Variants in ACSS3 observed in about 807,000 individuals in gnomAD.
ACSS3 encodes acyl-CoA synthetase short chain family member 3.
Under a neutral mutation model 84.2 loss-of-function variants are expected in ACSS3, and 64 were observed. The ratio of observed to expected loss-of-function variants is 0.76; its 90% CI spans 0.62 to 0.94. The LOEUF is 0.94. Among genes scored for constraint, ACSS3 ranks in the 40% least tolerant of loss-of-function variants. ACSS3 has a pLI of 0.00. For synonymous variants in ACSS3, 317 were observed against 310.1 expected (o/e 1.02, Z -0.23); for missense variants, 815 against 867.6 (o/e 0.94, Z 0.76).
intron 1 of ACSS3, among the ~76,000 whole-genome samples, chr12:81,083,448 C>G (rs894803283): frequency 1.3e-5 from 2 of 149,886 alleles, no homozygotes; most frequent in Admixed American, 6.8e-5. Flanking sequence ...ACCTCCATCT[C>G]CCCGCTTCAA....
chr12:81,082,808 A>G (rs528959890), intron 1 of ACSS3, among the ~76,000 whole-genome samples: 2 of 152,288 alleles, frequency 1.3e-5, no homozygotes, highest in African/African-American at 2.4e-5. Context: ...GAAAGCTTCA[A>G]TACCTTTATT....
Position 81,254,883 on chromosome 12 carries a change from C to A in ACSS3, c.2022C>A (p.Ser674Arg), listed in dbSNP as rs1383205859. The change falls in exon 16 of 16, where the codon AGC becomes AGA. Residue 674 changes from serine (S) to arginine (R), a missense_variant. Ser to Arg is a moderately radical substitution (Grantham distance 110). Transcript: ENST00000548058. ...YKITSTIEDP[S>R]IFGHVEEMLK... ...TAACTTCTACAATTGAAGACCCCAG[C>A]ATTTTTGGCCACGTAGAAGAAATGC... The A allele has an allele frequency of 6.2e-7, 1 of 1,609,070 alleles. No individual in the cohort carries two copies. The highest frequency in any genetic ancestry group is 1.7e-5 in the Admixed American group (1 of 59,482).
At chr12:81,100,925 T>A (rs1882461192) in intron 1 of ACSS3, among the ~76,000 whole-genome samples, 1 of 152,154 alleles carries the variant, frequency 6.6e-6, no homozygotes, top group Non-Finnish European at 1.5e-5. Flanking sequence ...TCATTTCAAG[T>A]GGGTATGAAA....
intron 2 of ACSS3, among the ~76,000 whole-genome samples, chr12:81,110,951 T>C (rs929566611): frequency 3.3e-5 from 5 of 152,184 alleles, no homozygotes; most frequent in South Asian, 2.1e-4. Flanking sequence ...CATATTCTTT[T>C]TCATCAGCAA....
intron 11 of ACSS3, 27 bp downstream of exon 11, chr12:81,220,103 A>G (rs1251642580): frequency 1.4e-6 from 2 of 1,445,560 alleles, no homozygotes; most frequent in Admixed American, 2.2e-5. Flanking sequence ...ATACTACTAT[A>G]TTAAAGGGCA....
At chr12:81,164,128 G>A (rs1242483720) in intron 7 of ACSS3, among the ~76,000 whole-genome samples, 1 of 152,122 alleles carries the variant, frequency 6.6e-6, no homozygotes, top group Admixed American at 6.5e-5. Context: ...TCTAGTAAGT[G>A]CCCTATGTAG....
At chr12:81,100,800 G>T (rs555552920) in intron 1 of ACSS3, among the ~76,000 whole-genome samples, 4 of 152,296 alleles carry the variant, frequency 2.6e-5, no homozygotes, top group Admixed American at 2.0e-4. Flanking sequence ...GGCTTTTGTG[G>T]CAGGGAGGCA....
chr12:81,106,531 C>A (rs1385081890), intron 1 of ACSS3, among the ~76,000 whole-genome samples: 3 of 152,138 alleles, frequency 2.0e-5, no homozygotes, highest in Non-Finnish European at 4.4e-5. Flanking sequence ...CCATACCCTT[C>A]CCCCACCCCA....
intron 8 of ACSS3, among the ~76,000 whole-genome samples, chr12:81,189,401 G>T (rs1047917200): frequency 1.3e-5 from 2 of 152,060 alleles, no homozygotes; most frequent in African/African-American, 4.8e-5. Context: ...CATTCTGATT[G>T]TCATGTAGTG....
intron 1 of ACSS3, among the ~76,000 whole-genome samples, chr12:81,091,967 A>G (rs567181644): frequency 1.2e-4 from 18 of 152,246 alleles, no homozygotes; most frequent in Admixed American, 6.5e-4. Flanking sequence ...ATGAAAAAAC[A>G]GACTTACTAT....
Position 81,256,204 on chromosome 12 carries a change from G to C in ACSS3, c.*1282G>C, listed in dbSNP as rs2034290311. 1 of 152,078 alleles carries C rather than the reference G, an allele frequency of 6.6e-6. No individual in the cohort carries two copies. The highest frequency in any genetic ancestry group is 2.4e-5 in the African/African-American group (1 of 41,422). The allele number at this position is 152,078 out of a possible 1,614,324, so 9.4% of individuals were successfully genotyped here. ...CAGCAGAATATGGCCCAAAAAGGAG[G>C]CAGGTCTCCTGTTGCAAGAGCCTCT... On this transcript the variant is annotated 3_prime_UTR_variant, in exon 16 of 16. Coordinates refer to ENST00000548058, the MANE Select transcript of ACSS3 (RefSeq NM_024560.4).
intron 8 of ACSS3, among the ~76,000 whole-genome samples, chr12:81,180,174 A>T (rs2030828381): frequency 6.6e-6 from 1 of 152,238 alleles, no homozygotes; most frequent in South Asian, 2.1e-4. Context: ...GTGTGAGCTA[A>T]ACATTGAGTA....
At chr12:81,236,573 T>G (rs2033638011) in intron 13 of ACSS3, among the ~76,000 whole-genome samples, 1 of 151,486 alleles carries the variant, frequency 6.6e-6, no homozygotes, top group African/African-American at 2.4e-5. Flanking sequence ...TTTGTTTTTA[T>G]GTTTATCCAA....
intron 2 of ACSS3, among the ~76,000 whole-genome samples, chr12:81,128,185 T>C (rs1055635435): frequency 6.6e-6 from 1 of 152,122 alleles, no homozygotes; most frequent in Admixed American, 6.6e-5. Flanking sequence ...ATGTGATTTT[T>C]TTTTTCCAGA....
chr12:81,197,409 G>T (rs995717057), intron 8 of ACSS3, among the ~76,000 whole-genome samples: 1 of 152,088 alleles, frequency 6.6e-6, no homozygotes, highest in Non-Finnish European at 1.5e-5. Context: ...AATTGGTAAC[G>T]TGAGAACTTG....
chr12:81,151,992 A>T lies in ACSS3; in HGVS notation c.1003-9A>T. 1 of 1,612,896 alleles carries T rather than the reference A, an allele frequency of 6.2e-7. No homozygotes were observed. Among genetic ancestry groups the T allele is most frequent in the Non-Finnish European group, 8.5e-7 (1 of 1,179,300 alleles). On this transcript the variant is annotated splice_polypyrimidine_tract_variant and intron_variant, in intron 6 of 15. Coordinates refer to ENST00000548058, the MANE Select transcript of ACSS3 (RefSeq NM_024560.4). ...TAAAATATATTCATTTTATTATCTT[A>T]TTTTTTAGGTGTGGTGGGCAGCTTC...
intron 10 of ACSS3, 74 bp from the exon 11 acceptor site, chr12:81,219,939 T>C: frequency 9.8e-7 from 1 of 1,024,682 alleles, no homozygotes; most frequent in Non-Finnish European, 1.3e-6. Context: ...TTGGGTTGAA[T>C]ATAAAAATAT....
At chr12:81,105,395 A>G (rs1392912507) in intron 1 of ACSS3, among the ~76,000 whole-genome samples, 4 of 152,238 alleles carry the variant, frequency 2.6e-5, no homozygotes, top group African/African-American at 9.6e-5. Flanking sequence ...GATGACAGAG[A>G]AAAGAATCAA....
At position 81,220,009 on chromosome 12, in the gene ACSS3, G is replaced by T; in HGVS notation, c.1451-4G>T. On this transcript the variant is annotated splice_region_variant and splice_polypyrimidine_tract_variant and intron_variant, in intron 10 of 15. Transcript: ENST00000548058. ...TATTCAAATATTTATATTTTACTTT[G>T]TAGTTATGATTTTGGATGACAACAT... 1 of 1,513,058 alleles carries T rather than the reference G, an allele frequency of 6.6e-7. No individual in the cohort carries two copies. Among genetic ancestry groups the T allele is most frequent in the Non-Finnish European group, 8.9e-7 (1 of 1,125,680 alleles). 93.7% of individuals were successfully genotyped at this position (1,513,058 alleles called of 1,614,324 possible). A position where few individuals can be genotyped will look rare whatever the true frequency, so the allele number is the denominator to read the frequency against.
Sources: allele counts gnomAD v4.1 joint callset (sites outside exome capture counted in the v4.1 genomes callset), GRCh38; gene constraint gnomAD v4.1.1; transcripts MANE v1.5; gene names NCBI Gene and HGNC (gene_info 2026-07-23, HGNC 2026-07-21).